The following PDE3B variants were observed in gnomAD, a reference collection of about 807,000 sequenced individuals.
PDE3B encodes the protein phosphodiesterase 3B, also known as cGMP-inhibited 3',5'-cyclic phosphodiesterase 3B.
PDE3B carries 66 observed loss-of-function variants against 116.8 expected under a neutral mutation model. The observed-to-expected ratio is 0.56, with a 90% confidence interval of 0.46 to 0.69. PDE3B has a LOEUF of 0.69. Ranked by LOEUF, PDE3B falls within the 30% of genes least tolerant of loss-of-function variation. PDE3B has a pLI of 0.00. For synonymous variants in PDE3B, 595 were observed against 533.6 expected, an observed-to-expected ratio of 1.12 and a Z score of -1.59; for missense variants, 1,384 against 1,368.1, an observed-to-expected ratio of 1.01 and a Z score of -0.18.
At chr11:14,734,988 T>C (rs1856559292) in intron 1 of PDE3B, among the ~76,000 whole-genome samples, 1 of 152,198 alleles carries the variant, frequency 6.6e-6, no homozygotes, top group African/African-American at 2.4e-5. Context: ...TATACATTCA[T>C]TGCATGCGGT....
chr11:14,848,976 G>GA lies in PDE3B; in HGVS notation c.2520+4956dup, dbSNP rs1250003512. ...ACCAATGACTTTCTTCCCAGAATTGGAAAAAACTACTTTAAAGTTCATATG... is the reference window on the plus strand; with the variant it reads ...ACCAATGACTTTCTTCCCAGAATTGGAAAAAAACTACTTTAAAGTTCATATG... On this transcript the variant is annotated intron_variant, in intron 12 of 15. Transcript: ENST00000282096. 6.2e-4 allele frequency among the ~76,000 whole-genome samples: 94 copies of GA among 152,126 alleles called. 1 individual carries two copies. Among genetic ancestry groups the GA allele is most frequent in the African/African-American group, 2.1e-3 (88 of 41,508 alleles).
the PDE3B span, among the ~76,000 whole-genome samples, chr11:14,894,108 G>A: frequency 5.9e-5 from 9 of 152,272 alleles, no homozygotes; most frequent in East Asian, 1.7e-3. Flanking sequence ...ATCCCCAGGG[G>A]CTGAAGTTAC....
At chr11:14,867,789 A>T in intron 15 of PDE3B, 31 bp downstream of exon 15, 1 of 1,573,536 alleles carries the variant, frequency 6.4e-7, no homozygotes, top group Non-Finnish European at 8.7e-7. Context: ...TAATTTATTT[A>T]ATGTTATAGG....
rs559336829 is a variant in PDE3B at position 14,830,440 on chromosome 11, A to G, written c.1808-258A>G. ...GGAACTTTTTCTTTTTCTCACTTTT[A>G]TAAAGAATATCCACTTAGCATCCAT... is the stretch of plus-strand genomic sequence containing the variant. On this transcript the variant is annotated intron_variant, in intron 7 of 15. Coordinates refer to ENST00000282096, the MANE Select transcript of PDE3B (RefSeq NM_000922.4). Among the ~76,000 whole-genome samples, 775 of 152,162 alleles carry G rather than the reference A, an allele frequency of 5.1e-3. 9 individuals are homozygous for G. The highest frequency in any genetic ancestry group is 0.018 in the African/African-American group (747 of 41,544).
intron 5 of PDE3B, among the ~76,000 whole-genome samples, chr11:14,816,099 C>A (rs1043585985): frequency 1.3e-5 from 2 of 152,186 alleles, no homozygotes; most frequent in African/African-American, 4.8e-5. Flanking sequence ...GTTAATGTTG[C>A]AGTCTTGAAC....
chr11:14,688,312 C>G (rs1014772210), intron 1 of PDE3B, among the ~76,000 whole-genome samples: 6 of 152,082 alleles, frequency 3.9e-5, no homozygotes, highest in African/African-American at 1.4e-4. Context: ...TTCAGAACAT[C>G]AGAGTTGCAT....
the PDE3B span, chr11:14,880,292 C>G: frequency 6.2e-7 from 1 of 1,613,182 alleles, no homozygotes; most frequent in East Asian, 2.2e-5. Context: ...TCCATCTCAT[C>G]TAAATAAGCA....
chr11:14,763,989 A>C (rs941400279), intron 1 of PDE3B, among the ~76,000 whole-genome samples: 1 of 152,130 alleles, frequency 6.6e-6, no homozygotes, highest in Admixed American at 6.6e-5. Flanking sequence ...TCAAATAAAA[A>C]CACTTTAATG....
chr11:14,899,032 A>C, the PDE3B span, among the ~76,000 whole-genome samples: 1 of 152,226 alleles, frequency 6.6e-6, no homozygotes, highest in East Asian at 1.9e-4. Context: ...CTGAAAAGTG[A>C]CCTTTTGATG....
At chr11:14,701,060 A>G (rs557080885) in intron 1 of PDE3B, 53 of 151,850 alleles carry the variant, frequency 3.5e-4, no homozygotes, top group African/African-American at 1.3e-3. Context: ...TGCTCAAGTG[A>G]TAATAACCAA....
At chr11:14,872,862 C>A (rs1467408610), downstream of PDE3B, among the ~76,000 whole-genome samples, 1 of 152,168 alleles carries the variant, frequency 6.6e-6, no homozygotes, top group Non-Finnish European at 1.5e-5. Context: ...GCAGAGCCAA[C>A]TAAATTTACT....
intron 3 of PDE3B, among the ~76,000 whole-genome samples, chr11:14,786,901 A>T (rs1019721695): frequency 6.6e-6 from 1 of 152,020 alleles, no homozygotes; most frequent in Non-Finnish European, 1.5e-5. Flanking sequence ...AGCACTTATA[A>T]CAACTATGTA....
chr11:14,802,111 G>C (rs1203264327), intron 4 of PDE3B, among the ~76,000 whole-genome samples: 1 of 152,150 alleles, frequency 6.6e-6, no homozygotes, highest in Non-Finnish European at 1.5e-5. Context: ...TTGGCTCCCT[G>C]GCTTTAGCCC....
At chr11:14,770,248 C>T (rs1857601857) in intron 1 of PDE3B, among the ~76,000 whole-genome samples, 1 of 151,242 alleles carries the variant, frequency 6.6e-6, no homozygotes, top group Admixed American at 6.6e-5. Context: ...TTCTAGACAT[C>T]TATTCGTGAA....
chr11:14,675,560 A>G lies in PDE3B; in HGVS notation c.978+30507A>G, dbSNP rs529525872. Among the ~76,000 whole-genome samples, 78 of 152,148 alleles carry G rather than the reference A, an allele frequency of 5.1e-4. 1 individual carries two copies. Among genetic ancestry groups the G allele is most frequent in the African/African-American group, 1.7e-3 (72 of 41,524 alleles). Reference sequence around the variant, plus strand: ...CAGAGACAGCCACTTACTGATTTCTATTGCCATGTATTTGTTTTAACTGTT... The same window carrying G: ...CAGAGACAGCCACTTACTGATTTCTGTTGCCATGTATTTGTTTTAACTGTT... On this transcript the variant is annotated intron_variant, in intron 1 of 15. Transcript: ENST00000282096.
chr11:14,665,089 C>A (rs1854085591), intron 1 of PDE3B, among the ~76,000 whole-genome samples: 2 of 152,174 alleles, frequency 1.3e-5, no homozygotes. Context: ...GGGCTTCATC[C>A]CTGGGATGCA....
At chr11:14,795,052 T>C (rs1858509998) in intron 4 of PDE3B, among the ~76,000 whole-genome samples, 1 of 152,132 alleles carries the variant, frequency 6.6e-6, no homozygotes, top group African/African-American at 2.4e-5. Flanking sequence ...CCCAGTCCTT[T>C]CTGGATTTTT....
chr11:14,658,588 C>G (rs1028690313), intron 1 of PDE3B, among the ~76,000 whole-genome samples: 2 of 152,176 alleles, frequency 1.3e-5, no homozygotes, highest in African/African-American at 4.8e-5. Context: ...AACTCTTGAC[C>G]TCGTGATCCG....
chr11:14,656,613 A>G lies in PDE3B; in HGVS notation c.978+11560A>G, dbSNP rs528168738. On this transcript the variant is annotated intron_variant, in intron 1 of 15. Coordinates refer to ENST00000282096, the MANE Select transcript of PDE3B (RefSeq NM_000922.4). ...AAGTTGTTTAACTTCTCTGTACCCC[A>G]GTTTCTCTGTGTATAAATTAGGGGT... Among the ~76,000 whole-genome samples, 31 of 152,186 alleles carry G rather than the reference A, an allele frequency of 2.0e-4. No homozygotes were observed. In the South Asian group the frequency reaches 6.2e-3, roughly 31 times the overall value.
Sources: gnomAD v4.1 joint callset for allele counts (sites outside exome capture counted in the v4.1 genomes callset) on GRCh38, gnomAD v4.1.1 for gene constraint, MANE v1.5 for transcripts, NCBI Gene and HGNC (gene_info 2026-07-23, HGNC 2026-07-21) for gene names.